CRISP1: variants seen among roughly 807,000 people sequenced by gnomAD.
CRISP1 encodes cysteine rich secretory protein 1.
Under a neutral mutation model 33.1 loss-of-function variants are expected in CRISP1, and 44 were observed. The ratio of observed to expected loss-of-function variants is 1.33; its 90% CI spans 1.05 to 1.71. CRISP1 has a LOEUF of 1.71. Among genes scored for constraint, CRISP1 ranks in the 40% most tolerant of loss-of-function variants. CRISP1 has a pLI of 0.00. For synonymous variants in CRISP1, 103 were observed against 98.7 expected (o/e 1.04, Z -0.26); for missense variants, 390 against 301.2 (o/e 1.29, Z -2.18).
intron 1 of CRISP1, among the ~76,000 whole-genome samples, chr6:49,872,173 T>G (rs1771939208): frequency 1.3e-5 from 2 of 152,234 alleles, no homozygotes; most frequent in Admixed American, 1.3e-4. Context: ...TTTTTTCATG[T>G]GTCTTTGGGC....
At chr6:49,872,085 C>T (rs956576167) in intron 1 of CRISP1, among the ~76,000 whole-genome samples, 13 of 152,060 alleles carry the variant, frequency 8.5e-5, no homozygotes, top group African/African-American at 3.1e-4. Context: ...TTTTAATGAT[C>T]ACCATTCTAA....
chr6:49,838,643 G>A (rs1770883849), intron 6 of CRISP1, 118 bp from the exon 7 acceptor site: 1 of 686,150 alleles, frequency 1.5e-6, no homozygotes, highest in African/African-American at 1.9e-5. Context: ...GTAAAGAACA[G>A]TGATAATTTT....
Position 49,850,621 on chromosome 6 carries a change from A to ACT in CRISP1, c.195+1378_195+1379dup, listed in dbSNP as rs544646935. Among the ~76,000 whole-genome samples, 29 of 151,588 alleles carry ACT rather than the reference A, an allele frequency of 1.9e-4. No homozygotes were observed. The East Asian group carries it at 5.2e-3, about 27-fold the overall frequency. On this transcript the variant is annotated intron_variant, in intron 3 of 7. Transcript: ENST00000335847. ...TATGCATTGTTTGTGGAGCAGCTGA[A>ACT]CTCTCGTATTTCCTTTGAAATATTT...
chr6:49,867,204 T>A (rs1458916927), upstream of CRISP1, among the ~76,000 whole-genome samples: 2 of 152,094 alleles, frequency 1.3e-5, no homozygotes, highest in African/African-American at 4.8e-5. Context: ...CACAGGACAC[T>A]TAGAACAAAG....
At chr6:49,837,229 A>G (rs192486810) in intron 7 of CRISP1, among the ~76,000 whole-genome samples, 1 of 152,234 alleles carries the variant, frequency 6.6e-6, no homozygotes, top group East Asian at 1.9e-4. Flanking sequence ...AATAGCTCTC[A>G]CTTTCTCAAA....
At chr6:49,854,206 C>T (rs1487781908) in intron 2 of CRISP1, among the ~76,000 whole-genome samples, 2 of 152,110 alleles carry the variant, frequency 1.3e-5, no homozygotes, top group Non-Finnish European at 2.9e-5. Context: ...GTGAATGGGT[C>T]ATTCTTTCTA....
chr6:49,863,756 C>G (rs1207799293), intron 1 of CRISP1, among the ~76,000 whole-genome samples: 1 of 152,218 alleles, frequency 6.6e-6, no homozygotes, highest in African/African-American at 2.4e-5. Flanking sequence ...TAGACCATGA[C>G]CTTCTCAGAA....
intron 1 of CRISP1, among the ~76,000 whole-genome samples, chr6:49,874,464 G>A (rs1201572809): frequency 6.6e-6 from 1 of 152,018 alleles, no homozygotes; most frequent in African/African-American, 2.4e-5. Flanking sequence ...AATGTTAGAA[G>A]TAACTTTCCT....
intron 2 of CRISP1, 38 bp from the exon 3 acceptor site, chr6:49,852,167 T>A (rs1771368031): frequency 6.3e-7 from 1 of 1,594,722 alleles, no homozygotes; most frequent in Middle Eastern, 1.8e-4. Flanking sequence ...TTACTTCTTT[T>A]AAGTGGAATT....
intron 1 of CRISP1, among the ~76,000 whole-genome samples, chr6:49,866,054 C>T (rs992127374): frequency 6.6e-6 from 1 of 152,108 alleles, no homozygotes. Flanking sequence ...ACTATGGCCC[C>T]TTATTACTGG....
chr6:49,859,472 T>TA (rs915060929), intron 1 of CRISP1, among the ~76,000 whole-genome samples: 3 of 150,210 alleles, frequency 2.0e-5, no homozygotes, highest in African/African-American at 7.3e-5. Context: ...AATGAAAGAT[T>TA]AAAAAAAAAG....
At chr6:49,865,873 T>C (rs1159232855) in intron 1 of CRISP1, among the ~76,000 whole-genome samples, 1 of 152,188 alleles carries the variant, frequency 6.6e-6, no homozygotes, top group Non-Finnish European at 1.5e-5. Context: ...TCCTGCCCGC[T>C]GGGGCCCATC....
chr6:49,856,046 A>G (rs1193503263), intron 2 of CRISP1, among the ~76,000 whole-genome samples: 2 of 152,140 alleles, frequency 1.3e-5, no homozygotes, highest in African/African-American at 4.8e-5. Flanking sequence ...TAGAGCATCA[A>G]CCTATTGTTT....
chr6:49,847,271 A>C (rs1363305572), intron 4 of CRISP1, among the ~76,000 whole-genome samples: 1 of 152,152 alleles, frequency 6.6e-6, no homozygotes, highest in East Asian at 1.9e-4. Context: ...TTTATTCCTG[A>C]GTGAAGGTGA....
chr6:49,856,621 C>T (rs1473000618), intron 2 of CRISP1, among the ~76,000 whole-genome samples: 2 of 152,158 alleles, frequency 1.3e-5, no homozygotes, highest in Non-Finnish European at 2.9e-5. Context: ...TCTTACTTCT[C>T]TACCTGGCCT....
Position 49,846,598 on chromosome 6 carries a change from C to T in CRISP1, c.357G>A (p.Trp119Ter), listed in dbSNP as rs768482606. 7.4e-6 allele frequency: 12 copies of T among 1,613,366 alleles called. No individual in the cohort carries two copies. Among genetic ancestry groups the T allele is most frequent in the African/African-American group, 6.7e-5 (5 of 74,866 alleles). Residue 119 changes from tryptophan to a stop codon, truncating the protein, a stop_gained, in exon 5 of 8, where the codon TGG (tryptophan) becomes TGA (stop). Coordinates refer to ENST00000335847, the MANE Select transcript of CRISP1 (RefSeq NM_001131.3). LOFTEE classifies it high-confidence loss of function. The stretch of plus-strand genomic sequence containing the variant: ...GTTTGAAACTTGTAGACTCACTGTA[C>T]CAGACTCCAATTACACTTGACCATG... ...PVSWSSVIGV[W>*]YSESTSFKHG...
chr6:49,859,299 G>A (rs1771581180), intron 1 of CRISP1, among the ~76,000 whole-genome samples: 1 of 151,678 alleles, frequency 6.6e-6, no homozygotes, highest in Non-Finnish European at 1.5e-5. Flanking sequence ...AGCAGTCCTT[G>A]CATATCCACA....
upstream of CRISP1, among the ~76,000 whole-genome samples, chr6:49,869,400 T>G (rs1351747709): frequency 6.6e-6 from 1 of 152,146 alleles, no homozygotes; most frequent in Non-Finnish European, 1.5e-5. Flanking sequence ...GCAATGCCTT[T>G]TATGACATAG....
Sources: gnomAD v4.1 joint callset for allele counts (sites outside exome capture counted in the v4.1 genomes callset) on GRCh38, gnomAD v4.1.1 for gene constraint, MANE v1.5 for transcripts, NCBI Gene and HGNC (gene_info 2026-07-23, HGNC 2026-07-21) for gene names.